The following FOCAD variants were observed in gnomAD, a reference collection of about 807,000 sequenced individuals.
FOCAD encodes the protein KIAA1797.
In FOCAD, 198 loss-of-function variants were observed where a neutral mutation model predicts 225.6. That is an observed-to-expected ratio of 0.88 (90% confidence interval 0.78 to 0.99). The LOEUF (loss-of-function observed/expected upper bound fraction) is 0.99. FOCAD is among the 50% of genes least tolerant of loss of function. FOCAD has a pLI of 0.00. For synonymous variants in FOCAD, 897 were observed against 755.0 expected (o/e 1.19, Z -3.08); for missense variants, 2,713 against 2,123.6 (o/e 1.28, Z -5.46).
At chr9:20,987,329 GAAAC>G (rs1269092197) in intron 40 of FOCAD, among the ~76,000 whole-genome samples, 3 of 152,094 alleles carry the variant, frequency 2.0e-5, no homozygotes, top group African/African-American at 7.2e-5. Context: ...CCCACATGGT[GAAAC>G]CCTGTCTCTA....
intron 5 of FOCAD, 131 bp downstream of exon 5, chr9:20,740,471 G>T: frequency 1.9e-6 from 1 of 523,494 alleles, no homozygotes; most frequent in Non-Finnish European, 3.4e-6. Flanking sequence ...TGTGGGTGTT[G>T]ACCTCTCAGG....
Position 20,949,064 on chromosome 9 carries a change from T to C in FOCAD, c.3876+136T>C. 4 of 695,056 alleles carry C rather than the reference T, an allele frequency of 5.8e-6. No individual in the cohort carries two copies. In the East Asian group the frequency reaches 8.1e-5, roughly 14 times the overall value. 43.1% of individuals were successfully genotyped at this position (695,056 alleles called of 1,614,324 possible). ...GTAATAGTTACACCAGACTTTTTAA[T>C]GCCTTGCTGTATGAATAATTGCACT... On this transcript the variant is annotated intron_variant, in intron 32 of 43. Transcript: ENST00000338382.
intron 15 of FOCAD, among the ~76,000 whole-genome samples, chr9:20,835,803 C>T (rs528478004): frequency 2.6e-5 from 4 of 152,116 alleles, no homozygotes; most frequent in South Asian, 2.1e-4. Flanking sequence ...AATTAATAGG[C>T]GTTGCAAGAT....
In FOCAD at chr9:20,794,623, T is replaced by G. The variant is rs949151004; in HGVS notation, c.1455+5015T>G. Among the ~76,000 whole-genome samples, 14 of 152,280 alleles carry G rather than the reference T, an allele frequency of 9.2e-5. 1 individual carries two copies. Among genetic ancestry groups the G allele is most frequent in the Middle Eastern group, 3.4e-3 (1 of 294 alleles). ...AAGCTAAGCAGCACAAATGATAATT[T>G]ATCAATACCATAATATGTTTCCAGA... On this transcript the variant is annotated intron_variant, in intron 11 of 43. Coordinates refer to ENST00000338382, the MANE Select transcript of FOCAD (RefSeq NM_001375567.1).
chr9:20,972,104 T>A (rs1360066058), intron 35 of FOCAD, among the ~76,000 whole-genome samples: 2 of 152,172 alleles, frequency 1.3e-5, no homozygotes, highest in Non-Finnish European at 2.9e-5. Context: ...TTCTTTGGGA[T>A]ATACACCTAA....
intron 10 of FOCAD, among the ~76,000 whole-genome samples, chr9:20,784,125 T>C (rs1819672813): frequency 6.6e-6 from 1 of 152,126 alleles, no homozygotes; most frequent in African/African-American, 2.4e-5. Context: ...TATAGTCTGC[T>C]GGGGTGCCAT....
intron 15 of FOCAD, among the ~76,000 whole-genome samples, chr9:20,844,349 CTTTTTT>C (rs58468376): frequency 3.2e-4 from 25 of 77,254 alleles, no homozygotes; most frequent in Admixed American, 1.5e-3. Flanking sequence ...AGGAAATTTC[CTTTTTT>C]TTTTTTTTTT....
intron 5 of FOCAD, among the ~76,000 whole-genome samples, chr9:20,750,838 G>A (rs1312944406): frequency 6.6e-6 from 1 of 152,088 alleles, no homozygotes; most frequent in Non-Finnish European, 1.5e-5. Context: ...TTTAAGCTTG[G>A]CATAGAATTA....
chr9:20,853,053 A>T (rs887755702), intron 15 of FOCAD, among the ~76,000 whole-genome samples: 1 of 151,752 alleles, frequency 6.6e-6, no homozygotes, highest in Non-Finnish European at 1.5e-5. Context: ...TTGTCAAGGA[A>T]TTTTTTGACA....
At chr9:20,740,969 C>T (rs1827567129) in intron 5 of FOCAD, among the ~76,000 whole-genome samples, 1 of 152,134 alleles carries the variant, frequency 6.6e-6, no homozygotes, top group African/African-American at 2.4e-5. Context: ...ACCCAGGAAG[C>T]CATCTCTTAA....
chr9:20,904,684 T>C (rs1587561753), intron 21 of FOCAD, among the ~76,000 whole-genome samples: 1 of 151,906 alleles, frequency 6.6e-6, no homozygotes, highest in Non-Finnish European at 1.5e-5. Context: ...AGAGTATGAG[T>C]AGTTATAGAA....
chr9:20,899,954 C>T (rs1832423472), intron 21 of FOCAD, among the ~76,000 whole-genome samples: 1 of 151,868 alleles, frequency 6.6e-6, no homozygotes. Context: ...CTCTCTGCTC[C>T]TCTGTACAGG....
At position 20,823,050 on chromosome 9, in the gene FOCAD, A is replaced by G. The variant is rs1824496036; in HGVS notation, c.1855A>G (p.Lys619Glu). The G allele has an allele frequency of 6.2e-7, 1 of 1,609,968 alleles. No individual in the cohort carries two copies. The highest frequency in any genetic ancestry group is 1.7e-5 in the Admixed American group (1 of 59,188). The change falls in exon 15 of 44, where the codon AAG (lysine) becomes GAG (glutamate). Residue 619 changes from lysine to glutamate, a missense_variant. By Grantham distance (56) the Lys-to-Glu change is moderately conservative. Transcript: ENST00000338382. ...TTCTCAAGTGTTGAATGAATGCACC[A>G]AGCCTGATCAAGCTACTCCAGCAGC... ...AISQVLNECT[K>E]PDQATPAALV...
intron 28 of FOCAD, among the ~76,000 whole-genome samples, chr9:20,939,697 TTTTA>T (rs1836435205): frequency 6.7e-6 from 1 of 149,614 alleles, no homozygotes; most frequent in Non-Finnish European, 1.5e-5. Context: ...CCTTCTTTTA[TTTTA>T]TTTTTTTTTG....
chr9:20,924,610 A>G (rs1270801447), intron 25 of FOCAD, among the ~76,000 whole-genome samples: 5 of 152,268 alleles, frequency 3.3e-5, no homozygotes, highest in East Asian at 3.9e-4. Flanking sequence ...TCTGTCCTCA[A>G]TGAGTATCTT....
chr9:20,880,293 A>T (rs1326721749), intron 19 of FOCAD, among the ~76,000 whole-genome samples: 1 of 152,190 alleles, frequency 6.6e-6, no homozygotes, highest in Non-Finnish European at 1.5e-5. Flanking sequence ...GCCTACAGAG[A>T]TAACGGGAGG....
intron 9 of FOCAD, among the ~76,000 whole-genome samples, chr9:20,780,770 C>A (rs1587136486): frequency 6.6e-6 from 1 of 152,130 alleles, no homozygotes; most frequent in South Asian, 2.1e-4. Context: ...TATTCATTTC[C>A]TGTTATATTA....
At chr9:20,839,255 C>CT (rs1175121512) in intron 15 of FOCAD, among the ~76,000 whole-genome samples, 1 of 131,692 alleles carries the variant, frequency 7.6e-6, no homozygotes, top group African/African-American at 2.9e-5. Context: ...GAATTTCTTT[C>CT]TTTCTTTTTT....
chr9:20,801,240 A>G (rs1185453905), intron 11 of FOCAD, among the ~76,000 whole-genome samples: 1 of 152,206 alleles, frequency 6.6e-6, no homozygotes, highest in Admixed American at 6.5e-5. Flanking sequence ...ATACAAAGTG[A>G]AAAGCGTTAC....
Sources: gnomAD v4.1 joint callset for allele counts (sites outside exome capture counted in the v4.1 genomes callset) on GRCh38, gnomAD v4.1.1 for gene constraint, MANE v1.5 for transcripts, NCBI Gene and HGNC (gene_info 2026-07-23, HGNC 2026-07-21) for gene names.